Variants in CHGA observed in about 807,000 individuals in gnomAD.
CHGA encodes chromogranin-A.
CHGA carries 41 observed loss-of-function variants against 54.4 expected under a neutral mutation model. The observed-to-expected ratio is 0.75, with a 90% CI of 0.59 to 0.98. The LOEUF is 0.98. CHGA is among the 50% of genes least tolerant of loss of function. The pLI is 0.00. For missense variants in CHGA, 576 were observed against 582.3 expected, an observed-to-expected ratio of 0.99 and a Z score of 0.11; for synonymous variants, 249 against 232.8, an observed-to-expected ratio of 1.07 and a Z score of -0.63.
intron 5 of CHGA, 107 bp downstream of exon 5, chr14:92,929,922 C>T (rs375520057): frequency 1.3e-6 from 1 of 787,598 alleles, no homozygotes. Context: ...CACCCATAAT[C>T]CCTTATTTCC....
intron 2 of CHGA, among the ~76,000 whole-genome samples, chr14:92,925,571 GTTGCCTTGGCAT>G (rs1215483432): frequency 1.3e-5 from 2 of 152,268 alleles, no homozygotes; most frequent in Admixed American, 6.5e-5. Context: ...CCTTGGACCG[GTTGCCTTGGCAT>G]CCCGTAGACA....
chr14:92,927,646 T>A, intron 4 of CHGA, 28 bp downstream of exon 4: 1 of 1,585,294 alleles, frequency 6.3e-7, no homozygotes, highest in Non-Finnish European at 8.6e-7. Context: ...CACTTGACTC[T>A]GGGTAAATTC....
chr14:92,929,455 G>A (rs923606682), intron 4 of CHGA, among the ~76,000 whole-genome samples: 3 of 152,146 alleles, frequency 2.0e-5, no homozygotes, highest in African/African-American at 7.2e-5. Flanking sequence ...CTTGCTGTGT[G>A]GCCACAGCAC....
intron 7 of CHGA, among the ~76,000 whole-genome samples, chr14:92,934,158 G>A (rs1257492170): frequency 6.6e-6 from 1 of 152,218 alleles, no homozygotes; most frequent in Non-Finnish European, 1.5e-5. Context: ...AAGTCTTGAG[G>A]TTGTGCTCTT....
chr14:92,927,756 G>A lies in CHGA; in HGVS notation c.256+138G>A, dbSNP rs1329259958. On this transcript the variant is annotated intron_variant, in intron 4 of 7. Coordinates refer to ENST00000216492, the MANE Select transcript of CHGA (RefSeq NM_001275.4). ...ATAAAGCGGAAAAGCAGGATCCGCC[G>A]TGCCACCTGGCTCAATCTGTTATTG... 18 of 719,532 alleles carry A rather than the reference G, an allele frequency of 2.5e-5. No homozygotes were observed. In the East Asian group the frequency reaches 3.0e-4, roughly 12 times the overall value. The allele number at this position is 719,532 out of a possible 1,614,324, so 44.6% of individuals were successfully genotyped here.
Position 92,932,420 on chromosome 14 carries a change from G to A in CHGA, c.859G>A (p.Glu287Lys), listed in dbSNP as rs764149977. The A allele has an allele frequency of 4.4e-6, 7 of 1,574,248 alleles. No homozygotes were observed. The highest frequency in any genetic ancestry group is 3.8e-5 in the Admixed American group (2 of 53,244). Residue 287 changes from glutamate to lysine, a missense_variant, in exon 7 of 8, where the codon GAG (glutamate) becomes AAG (lysine). Glu to Lys is a moderately conservative substitution (Grantham distance 56, BLOSUM62 1). Transcript: ENST00000216492. This position sits in a 1 kb window ranked among gnomAD's most constrained non-coding sequence, Gnocchi z 5.3. ...VDGAGKPGAEEAQDPEGKGEQ... is the reference protein window; with the variant it reads ...VDGAGKPGAEKAQDPEGKGEQ... Reference sequence around the variant, plus strand: ...TGGAGCTGGGAAGCCTGGGGCTGAGGAGGCTCAGGACCCCGAAGGGAAGGG... The same window carrying A: ...TGGAGCTGGGAAGCCTGGGGCTGAGAAGGCTCAGGACCCCGAAGGGAAGGG...
chr14:92,924,454 C>T (rs1185566678), intron 2 of CHGA, among the ~76,000 whole-genome samples: 2 of 152,250 alleles, frequency 1.3e-5, no homozygotes, highest in Admixed American at 6.5e-5. Flanking sequence ...TTCCTCTGAG[C>T]TGCACATGCA....
At chr14:92,923,633 C>T (rs559735546) in intron 1 of CHGA, among the ~76,000 whole-genome samples, 1 of 152,360 alleles carries the variant, frequency 6.6e-6, no homozygotes, top group South Asian at 2.1e-4. Flanking sequence ...GGCAACTCCC[C>T]CTTGTGCCCA....
rs536882231 is a variant in CHGA at position 92,933,968 on chromosome 14, C to T, written c.1291-833C>T. ...AGGGTCTTCTTAGAAACCCGAGCCTCGCAGAGCACCTGCCCCAGGGCCTCC... is the reference window on the plus strand; with the variant it reads ...AGGGTCTTCTTAGAAACCCGAGCCTTGCAGAGCACCTGCCCCAGGGCCTCC... On this transcript the variant is annotated intron_variant, in intron 7 of 7. Transcript: ENST00000216492. Among the ~76,000 whole-genome samples, 319 of 152,296 alleles carry T rather than the reference C, an allele frequency of 2.1e-3. 4 individuals are homozygous for T. Among genetic ancestry groups the T allele is most frequent in the African/African-American group, 5.9e-3 (246 of 41,566 alleles).
rs2139673971 is a variant in CHGA, at chr14:92,932,198, T to C, written c.809-172T>C. ...GCAGGCTCCAGCTAACCCACCCCTC[T>C]GAGCCGAGAGGGTCTTGCAAAGCCT... On this transcript the variant is annotated intron_variant, in intron 6 of 7. Coordinates refer to ENST00000216492, the MANE Select transcript of CHGA (RefSeq NM_001275.4). The surrounding 1 kb of genome is among the most constrained non-coding windows in gnomAD (Gnocchi z 5.3). 1 of 895,532 alleles carries C rather than the reference T, an allele frequency of 1.1e-6. No individual in the cohort carries two copies. Among genetic ancestry groups the C allele is most frequent in the Non-Finnish European group, 1.6e-6 (1 of 616,380 alleles). 55.5% of individuals were successfully genotyped at this position (895,532 alleles called of 1,614,324 possible). A position where few individuals can be genotyped will look rare whatever the true frequency, so the allele number is the denominator to read the frequency against.
chr14:92,927,333 G>A (rs1377624738), intron 3 of CHGA, among the ~76,000 whole-genome samples: 2 of 152,172 alleles, frequency 1.3e-5, no homozygotes, highest in African/African-American at 4.8e-5. Flanking sequence ...TCTGGCTGCT[G>A]GGGCAGTGGC....
intron 5 of CHGA, among the ~76,000 whole-genome samples, chr14:92,930,243 C>T (rs577312054): frequency 3.3e-5 from 5 of 152,340 alleles, no homozygotes; most frequent in South Asian, 4.1e-4. Flanking sequence ...AGGTGTGAAA[C>T]GTGAAATGAA....
chr14:92,927,309 C>T (rs1886905304), intron 3 of CHGA, among the ~76,000 whole-genome samples: 1 of 152,200 alleles, frequency 6.6e-6, no homozygotes, highest in African/African-American at 2.4e-5. Context: ...GGGGTTGCCA[C>T]CCTTTGGCTA....
intron 3 of CHGA, 67 bp from the exon 4 acceptor site, chr14:92,927,483 T>C: frequency 7.6e-7 from 1 of 1,318,550 alleles, no homozygotes; most frequent in South Asian, 1.3e-5. Flanking sequence ...CAGCTGAAAA[T>C]ATTGATGGTA....
chr14:92,926,570 A>C, intron 2 of CHGA, 35 bp from the exon 3 acceptor site: 1 of 1,593,192 alleles, frequency 6.3e-7, no homozygotes, highest in Non-Finnish European at 8.6e-7. Context: ...CCATGCTCAA[A>C]CCAGCCCCAA....
At chr14:92,933,035 C>T (rs1198266733) in intron 7 of CHGA, 184 bp downstream of exon 7, 2 of 877,804 alleles carry the variant, frequency 2.3e-6, no homozygotes, top group East Asian at 2.8e-5. Context: ...AGGGGGCACC[C>T]AGCAAAGCTG....
intron 7 of CHGA, among the ~76,000 whole-genome samples, chr14:92,933,872 C>T (rs1055756600): frequency 2.0e-5 from 3 of 152,128 alleles, no homozygotes; most frequent in Admixed American, 6.5e-5. Context: ...AGCTCTGGAC[C>T]GCAGGGCAGA....
At chr14:92,934,677 G>T in intron 7 of CHGA, 124 bp from the exon 8 acceptor site, 1 of 679,400 alleles carries the variant, frequency 1.5e-6, no homozygotes, top group South Asian at 1.8e-5. Context: ...CATGATGGAT[G>T]AGGGTACAGA....
In CHGA at chr14:92,934,871, T is replaced by C. The variant is rs1221251480; in HGVS notation, c.1361T>C (p.Leu454Pro). 2.5e-6 allele frequency: 4 copies of C among 1,570,884 alleles called. No homozygotes were observed. The highest frequency in any genetic ancestry group is 8.6e-7 in the Non-Finnish European group (1 of 1,160,034). ...LEKVAHQLQALRRG is the reference protein window; with the variant it reads ...LEKVAHQLQAPRRG ...AAAGTGGCCCACCAGCTGCAGGCAC[T>C]ACGGCGGGGCTGAGACACCGGCTGG... Residue 454 changes from leucine to proline, a missense_variant, in exon 8 of 8, where the codon CTA becomes CCA. Leu to Pro is a moderately conservative substitution (Grantham distance 98). Coordinates refer to ENST00000216492, the MANE Select transcript of CHGA (RefSeq NM_001275.4).
Sources: allele counts gnomAD v4.1 joint callset (sites outside exome capture counted in the v4.1 genomes callset), GRCh38; gene constraint gnomAD v4.1.1; non-coding constraint Gnocchi (gnomAD v3.1); transcripts MANE v1.5; gene names NCBI Gene and HGNC (gene_info 2026-07-23, HGNC 2026-07-21).